ASTN1: variants seen among roughly 807,000 people sequenced by gnomAD.
ASTN1 encodes the protein astrotactin-1.
ASTN1 carries 41 observed loss-of-function variants against 140.7 expected under a neutral mutation model. That is an observed-to-expected ratio of 0.29 (90% confidence interval 0.23 to 0.38). The LOEUF is 0.38. ASTN1 is among the 10% of genes least tolerant of loss of function. The pLI is 1.00. For synonymous variants in ASTN1, 640 were observed against 652.2 expected (o/e 0.98, Z 0.29); for missense variants, 1,479 against 1,678.8 (o/e 0.88, Z 2.08).
At chr1:177,046,981 C>T (rs1225241822) in intron 2 of ASTN1, among the ~76,000 whole-genome samples, 1 of 152,230 alleles carries the variant, frequency 6.6e-6, no homozygotes, top group Admixed American at 6.5e-5. Context: ...ATCAGACTTG[C>T]TCAGCCTTCC....
chr1:176,961,444 G>C (rs1672656449), intron 9 of ASTN1, among the ~76,000 whole-genome samples: 1 of 152,152 alleles, frequency 6.6e-6, no homozygotes, highest in South Asian at 2.1e-4. Flanking sequence ...CCTTTGCAGA[G>C]AACTGCAAAG....
chr1:176,915,010 A>T (rs1015549728), intron 16 of ASTN1, among the ~76,000 whole-genome samples: 1 of 152,224 alleles, frequency 6.6e-6, no homozygotes, highest in African/African-American at 2.4e-5. Flanking sequence ...AAAAATTTTC[A>T]TGCTCTGATG....
chr1:177,133,065 T>A (rs561735914), intron 1 of ASTN1, among the ~76,000 whole-genome samples: 1 of 152,336 alleles, frequency 6.6e-6, no homozygotes, highest in East Asian at 1.9e-4. Context: ...GCTCTAATAT[T>A]TCGACATAAT....
At chr1:177,120,931 T>G (rs898274425) in intron 1 of ASTN1, among the ~76,000 whole-genome samples, 4 of 152,184 alleles carry the variant, frequency 2.6e-5, no homozygotes, top group Non-Finnish European at 5.9e-5. Context: ...ATTGCTTGTA[T>G]GTTAGATTAT....
At chr1:176,872,179 T>C (rs1668375312) in intron 21 of ASTN1, among the ~76,000 whole-genome samples, 1 of 150,758 alleles carries the variant, frequency 6.6e-6, no homozygotes, top group Admixed American at 6.6e-5. Flanking sequence ...ATAAAAGCTA[T>C]ATTAAATGTC....
chr1:176,910,907 C>G (rs193214450), intron 16 of ASTN1, among the ~76,000 whole-genome samples: 1 of 152,322 alleles, frequency 6.6e-6, no homozygotes, highest in Non-Finnish European at 1.5e-5. Flanking sequence ...TTGTGTGCTT[C>G]TTATGGGAAT....
At chr1:177,024,488 A>G in intron 6 of ASTN1, 95 bp downstream of exon 6, 1 of 1,462,460 alleles carries the variant, frequency 6.8e-7, no homozygotes, top group South Asian at 1.3e-5. Flanking sequence ...GTAGAGTAAT[A>G]GGTAACAGTG....
At chr1:176,889,346 G>A (rs769991235) in intron 17 of ASTN1, among the ~76,000 whole-genome samples, 28 of 152,306 alleles carry the variant, frequency 1.8e-4, no homozygotes, top group Non-Finnish European at 3.8e-4. Flanking sequence ...CTCAACATCT[G>A]CAGCTTTGGC....
chr1:176,961,607 T>C (rs1346018224), intron 9 of ASTN1, among the ~76,000 whole-genome samples: 1 of 152,238 alleles, frequency 6.6e-6, no homozygotes, highest in Non-Finnish European at 1.5e-5. Context: ...GGGATTGGTC[T>C]GATTCTCAGG....
At chr1:177,129,598 CT>C (rs1341554634) in intron 1 of ASTN1, among the ~76,000 whole-genome samples, 2 of 152,184 alleles carry the variant, frequency 1.3e-5, no homozygotes, top group African/African-American at 4.8e-5. Flanking sequence ...GAAAAATGCA[CT>C]TAACATTCTT....
chr1:177,025,939 T>C (rs565935696), intron 5 of ASTN1, among the ~76,000 whole-genome samples: 1 of 152,118 alleles, frequency 6.6e-6, no homozygotes, highest in Non-Finnish European at 1.5e-5. Flanking sequence ...CTGGAGAGCA[T>C]GCCTAGTCCC....
intron 2 of ASTN1, among the ~76,000 whole-genome samples, chr1:177,055,205 G>A (rs913497319): frequency 6.6e-6 from 1 of 152,292 alleles, no homozygotes; most frequent in African/African-American, 2.4e-5. Context: ...TAAATCCAGC[G>A]TGTCTTTCTG....
chr1:177,020,180 G>A (rs1164425552), intron 7 of ASTN1, among the ~76,000 whole-genome samples: 2 of 152,136 alleles, frequency 1.3e-5, no homozygotes, highest in East Asian at 1.9e-4. Context: ...GAGCTGCCAC[G>A]CCTGGCCTAT....
At chr1:177,120,105 G>T (rs1681305260) in intron 1 of ASTN1, among the ~76,000 whole-genome samples, 1 of 152,160 alleles carries the variant, frequency 6.6e-6, no homozygotes, top group South Asian at 2.1e-4. Context: ...CCACAATGTG[G>T]CATCAGAGCC....
intron 16 of ASTN1, among the ~76,000 whole-genome samples, chr1:176,922,515 C>T (rs1670773106): frequency 7.4e-6 from 1 of 134,928 alleles, no homozygotes; most frequent in African/African-American, 2.8e-5. Context: ...TTCTTTTCCA[C>T]AGACAGCACA....
In ASTN1 at chr1:176,869,037, G is replaced by C. The variant is rs760924266; in HGVS notation, c.3464-10C>G. The C allele has an allele frequency of 1.3e-6, 2 of 1,560,302 alleles. No individual in the cohort carries two copies. Among genetic ancestry groups the C allele is most frequent in the East Asian group, 4.5e-5 (2 of 44,082 alleles). On this transcript the variant is annotated splice_polypyrimidine_tract_variant and intron_variant, in intron 21 of 22. Transcript: ENST00000361833. Reference sequence around the variant, plus strand: ...ATCTTGTCTGCTATTTCTGAGGAAGGAGGAAAAGGAAAATAAGTTATTTAC... The same window carrying C: ...ATCTTGTCTGCTATTTCTGAGGAAGCAGGAAAAGGAAAATAAGTTATTTAC...
intron 2 of ASTN1, among the ~76,000 whole-genome samples, chr1:177,042,599 A>G (rs1407143125): frequency 6.6e-6 from 1 of 152,228 alleles, no homozygotes; most frequent in Non-Finnish European, 1.5e-5. Context: ...TATTGTGTTT[A>G]CCACATGCCA....
intron 7 of ASTN1, 73 bp from the exon 8 acceptor site, chr1:177,014,948 TA>T: frequency 7.3e-7 from 1 of 1,362,750 alleles, no homozygotes; most frequent in Non-Finnish European, 1.0e-6. Flanking sequence ...TTGTAAAAAT[TA>T]ACATGAAATA....
chr1:177,117,132 C>T (rs568124786), intron 1 of ASTN1, among the ~76,000 whole-genome samples: 5 of 152,176 alleles, frequency 3.3e-5, no homozygotes, highest in South Asian at 2.1e-4. Context: ...CCACCCCCAC[C>T]GAGTGGCACC....
Sources: allele counts gnomAD v4.1 joint callset (sites outside exome capture counted in the v4.1 genomes callset), GRCh38; gene constraint gnomAD v4.1.1; transcripts MANE v1.5; gene names NCBI Gene and HGNC (gene_info 2026-07-23, HGNC 2026-07-21).